The following PCDH7 variants were observed in gnomAD, a reference collection of about 807,000 sequenced individuals.
PCDH7 encodes protocadherin 7, also known as protocadherin-7.
In PCDH7, 17 loss-of-function variants were observed where a neutral mutation model predicts 58.9. The observed-to-expected ratio is 0.29, with a 90% CI of 0.20 to 0.43. The LOEUF is 0.43. Among genes scored for constraint, PCDH7 ranks in the 20% least tolerant of loss-of-function variants. The pLI, the probability that PCDH7 is intolerant of heterozygous loss-of-function variation, is 1.00. For missense variants in PCDH7, 1,274 were observed against 1,441.0 expected (o/e 0.88, Z 1.88); for synonymous variants, 664 against 616.4 (o/e 1.08, Z -1.14).
At chr4:30,730,022 A>C (rs1715255580) in intron 1 of PCDH7, among the ~76,000 whole-genome samples, 1 of 151,966 alleles carries the variant, frequency 6.6e-6, no homozygotes, top group Admixed American at 6.6e-5. Context: ...TCAACACAGC[A>C]ATCTACTCTA....
At chr4:30,742,800 C>G (rs563096682) in intron 1 of PCDH7, among the ~76,000 whole-genome samples, 8 of 152,286 alleles carry the variant, frequency 5.3e-5, no homozygotes, top group African/African-American at 1.7e-4. Context: ...TCATCACATA[C>G]TGCTTCATAT....
chr4:30,772,885 C>A (rs1394446405), intron 1 of PCDH7, among the ~76,000 whole-genome samples: 3 of 152,096 alleles, frequency 2.0e-5, no homozygotes, highest in African/African-American at 4.8e-5. Context: ...GCTATACTTT[C>A]TATTTTATTT....
intron 1 of PCDH7, among the ~76,000 whole-genome samples, chr4:30,797,882 T>G (rs2109303869): frequency 6.6e-6 from 1 of 152,314 alleles, no homozygotes; most frequent in African/African-American, 2.4e-5. Context: ...AAGAAAATAT[T>G]AAATTCTGGG....
intron 1 of PCDH7, among the ~76,000 whole-genome samples, chr4:30,808,800 G>A (rs139375588): frequency 1.3e-5 from 2 of 152,096 alleles, no homozygotes; most frequent in East Asian, 3.9e-4. Context: ...CAAGACATAT[G>A]TTGCTTTTAC....
At chr4:31,128,420 C>T (rs1349468066) in intron 3 of PCDH7, among the ~76,000 whole-genome samples, 1 of 152,104 alleles carries the variant, frequency 6.6e-6, no homozygotes, top group African/African-American at 2.4e-5. Flanking sequence ...TCACAATGCC[C>T]TCAGTTACAA....
chr4:31,105,964 G>A (rs1250335188), intron 3 of PCDH7, among the ~76,000 whole-genome samples: 2 of 151,018 alleles, frequency 1.3e-5, no homozygotes, highest in Admixed American at 6.6e-5. Flanking sequence ...CCGTAATCGC[G>A]CCACTGCACT....
chr4:30,786,296 A>T (rs1032677576), intron 1 of PCDH7, among the ~76,000 whole-genome samples: 1 of 152,054 alleles, frequency 6.6e-6, no homozygotes, highest in African/African-American at 2.4e-5. Flanking sequence ...CACATCTCTG[A>T]GATCTTAGGG....
At chr4:30,919,987 T>C (rs998659210) in intron 1 of PCDH7, among the ~76,000 whole-genome samples, 166 bp from the exon 2 acceptor site, 1 of 152,208 alleles carries the variant, frequency 6.6e-6, no homozygotes, top group Admixed American at 6.5e-5. Context: ...GCTCTAGACA[T>C]TGCCTTAGAT....
intron 1 of PCDH7, among the ~76,000 whole-genome samples, chr4:30,876,725 TTTA>T (rs528144450): frequency 1.3e-5 from 2 of 152,090 alleles, no homozygotes; most frequent in African/African-American, 4.8e-5. Context: ...AATAATTTGT[TTTA>T]TTATTATTAT....
chr4:30,761,712 A>T (rs1205254468), intron 1 of PCDH7, among the ~76,000 whole-genome samples: 1 of 152,212 alleles, frequency 6.6e-6, no homozygotes, highest in African/African-American at 2.4e-5. Context: ...GAAAGGTCCA[A>T]ATTCAATCAC....
At chr4:30,726,486 A>C (rs1714631838) in intron 1 of PCDH7, among the ~76,000 whole-genome samples, 1 of 152,004 alleles carries the variant, frequency 6.6e-6, no homozygotes, top group Non-Finnish European at 1.5e-5. Context: ...TCATCAGATG[A>C]GGTTAGCTCT....
At chr4:30,834,837 A>C (rs1374941488) in intron 1 of PCDH7, among the ~76,000 whole-genome samples, 1 of 152,010 alleles carries the variant, frequency 6.6e-6, no homozygotes, top group South Asian at 2.1e-4. Flanking sequence ...ATAAAATGAC[A>C]CAAAGCAATA....
intron 3 of PCDH7, among the ~76,000 whole-genome samples, chr4:31,124,877 A>G (rs1193762740): frequency 6.6e-6 from 1 of 152,170 alleles, no homozygotes; most frequent in Non-Finnish European, 1.5e-5. Context: ...TCTGTTGTTA[A>G]GCATTTATTT....
intron 1 of PCDH7, among the ~76,000 whole-genome samples, chr4:30,878,563 G>C (rs1398431477): frequency 6.6e-6 from 1 of 152,074 alleles, no homozygotes; most frequent in African/African-American, 2.4e-5. Context: ...TGTGCTGCTA[G>C]CTTGGATCAC....
chr4:30,933,748 A>T lies in PCDH7; in HGVS notation c.287+13379A>T, dbSNP rs1744972414. ...CTTGTGTAGGTGGTATCTGACACTC[A>T]CAACTGTGTGCATAAGAAACAATTC... On this transcript the variant is annotated intron_variant, in intron 2 of 3. Coordinates refer to the PCDH7 transcript ENST00000509759. Among the ~76,000 whole-genome samples the T allele has an allele frequency of 2.0e-5, 3 of 152,166 alleles. 1 individual carries two copies. The South Asian group carries it at 6.2e-4, about 32-fold the overall frequency.
At position 31,119,945 on chromosome 4, in the gene PCDH7, C is replaced by CA. The variant is rs200183798; in HGVS notation, c.*8-22527dup. Among the ~76,000 whole-genome samples, 8 of 150,474 alleles carry CA rather than the reference C, an allele frequency of 5.3e-5. No homozygotes were observed. In the East Asian group the frequency reaches 7.9e-4, roughly 15 times the overall value. ...TCAGAAAGCTACTGGTCACCAGTTT[C>CA]AGGTTTTTTTTTTTTCCATCTATAG... On this transcript the variant is annotated intron_variant, in intron 3 of 3. Coordinates refer to the PCDH7 transcript ENST00000509759.
chr4:31,133,600 A>G (rs899725539), intron 3 of PCDH7, among the ~76,000 whole-genome samples: 5 of 152,164 alleles, frequency 3.3e-5, no homozygotes, highest in African/African-American at 9.7e-5. Context: ...GCTCCTTCAC[A>G]TGAGTACCGC....
chr4:31,034,991 T>C (rs896262460), intron 3 of PCDH7, among the ~76,000 whole-genome samples: 3 of 152,156 alleles, frequency 2.0e-5, no homozygotes, highest in African/African-American at 7.2e-5. Flanking sequence ...TATCCTCAAC[T>C]CTGAGACAGG....
intron 3 of PCDH7, among the ~76,000 whole-genome samples, chr4:30,962,647 T>A (rs772291964): frequency 1.3e-5 from 2 of 151,498 alleles, no homozygotes; most frequent in Non-Finnish European, 2.9e-5. Context: ...TAGCAAGGTA[T>A]GGTGGTGCTC....
Sources: allele counts gnomAD v4.1 joint callset (sites outside exome capture counted in the v4.1 genomes callset), GRCh38; gene constraint gnomAD v4.1.1; transcripts MANE v1.5; gene names NCBI Gene and HGNC (gene_info 2026-07-23, HGNC 2026-07-21).